MDFIC: variants seen among roughly 807,000 people sequenced by gnomAD.
MDFIC encodes the protein MyoD family inhibitor domain containing.
A neutral mutation model predicts 23.2 loss-of-function variants in MDFIC; 17 were observed. The observed-to-expected ratio is 0.73, with a 90% confidence interval of 0.50 to 1.10. MDFIC has a LOEUF of 1.10. Among genes scored for constraint, MDFIC ranks in the 50% least tolerant of loss-of-function variants. MDFIC has a pLI of 0.00. For missense variants in MDFIC, 356 were observed against 316.6 expected (o/e 1.12, Z -0.95); for synonymous variants, 120 against 115.2 (o/e 1.04, Z -0.27).
At chr7:114,951,361 A>AT (rs1585099846) in intron 3 of MDFIC, among the ~76,000 whole-genome samples, 1 of 152,046 alleles carries the variant, frequency 6.6e-6, no homozygotes, top group Non-Finnish European at 1.5e-5. Flanking sequence ...AAAAATACAG[A>AT]TTTTTTGGAA....
chr7:114,995,962 C>G (rs1196899185), intron 4 of MDFIC, among the ~76,000 whole-genome samples: 1 of 152,194 alleles, frequency 6.6e-6, no homozygotes, highest in African/African-American at 2.4e-5. Flanking sequence ...TGGAACCACC[C>G]AGCATTGTGT....
At chr7:114,990,684 T>C (rs1793592314) in intron 4 of MDFIC, among the ~76,000 whole-genome samples, 1 of 152,234 alleles carries the variant, frequency 6.6e-6, no homozygotes, top group Non-Finnish European at 1.5e-5. Context: ...GAACTCATCC[T>C]TTTTTATGGC....
rs530077403 is a variant in MDFIC at position 115,014,075 on chromosome 7, T to A, written c.494-1613T>A. 3.0e-6 allele frequency: 3 copies of A among 985,370 alleles called. No homozygotes were observed. The African/African-American group carries it at 5.2e-5, about 17-fold the overall frequency. The allele number at this position is 985,370 out of a possible 1,614,324, so 61.0% of individuals were successfully genotyped here. On this transcript the variant is annotated intron_variant, in intron 4 of 4. Coordinates refer to ENST00000393486, the MANE Select transcript of MDFIC (RefSeq NM_001166345.3). The stretch of plus-strand genomic sequence containing the variant: ...TACAAACACAACTCTGGAATTTCCC[T>A]TTTGAGTACTCTCTGACCCTTCCTC...
intron 4 of MDFIC, among the ~76,000 whole-genome samples, chr7:114,991,914 G>T (rs907312345): frequency 2.0e-5 from 3 of 152,164 alleles, no homozygotes; most frequent in Non-Finnish European, 4.4e-5. Context: ...GATGGGGATG[G>T]CATTGAATCT....
intron 4 of MDFIC, among the ~76,000 whole-genome samples, chr7:114,994,840 C>T (rs1475972627): frequency 2.0e-5 from 3 of 152,098 alleles, no homozygotes; most frequent in African/African-American, 4.8e-5. Context: ...AGTTGCTCTT[C>T]TTGAGGAGTA....
At chr7:114,929,515 G>A (rs902776468) in intron 2 of MDFIC, among the ~76,000 whole-genome samples, 5 of 152,266 alleles carry the variant, frequency 3.3e-5, no homozygotes, top group African/African-American at 7.2e-5. Flanking sequence ...TAGTTTTCTC[G>A]CCTAGCCGGT....
At chr7:115,010,652 T>C (rs1029165826) in intron 4 of MDFIC, among the ~76,000 whole-genome samples, 2 of 152,248 alleles carry the variant, frequency 1.3e-5, no homozygotes, top group Non-Finnish European at 2.9e-5. Context: ...CAAAGTGCTT[T>C]TCTAGTAAAT....
chr7:114,962,920 A>G (rs1381423871), intron 3 of MDFIC, among the ~76,000 whole-genome samples: 2 of 152,238 alleles, frequency 1.3e-5, no homozygotes, highest in African/African-American at 2.4e-5. Flanking sequence ...CTCAATTTCA[A>G]TATAAATAAG....
chr7:115,002,361 A>G (rs1440107049), intron 4 of MDFIC, among the ~76,000 whole-genome samples: 2 of 152,180 alleles, frequency 1.3e-5, no homozygotes, highest in African/African-American at 4.8e-5. Context: ...AATCACTGTC[A>G]CTATGCATGT....
intron 2 of MDFIC, among the ~76,000 whole-genome samples, chr7:114,938,368 G>A (rs1792471886): frequency 6.6e-6 from 1 of 152,176 alleles, no homozygotes; most frequent in Non-Finnish European, 1.5e-5. Context: ...ACTGTGACAA[G>A]GGGATGAGTA....
intron 2 of MDFIC, among the ~76,000 whole-genome samples, chr7:114,932,323 G>T (rs1013654817): frequency 2.6e-5 from 4 of 152,148 alleles, no homozygotes; most frequent in African/African-American, 9.7e-5. Flanking sequence ...GTGTGGAAAA[G>T]AAACTATAGA....
At chr7:115,015,526 T>C (rs909872019) in intron 4 of MDFIC, among the ~76,000 whole-genome samples, 162 bp from the exon 5 acceptor site, 2 of 152,248 alleles carry the variant, frequency 1.3e-5, no homozygotes, top group Non-Finnish European at 2.9e-5. Flanking sequence ...ATCTAGAGTT[T>C]AACTTAAGCT....
chr7:115,014,059 A>C, intron 4 of MDFIC: 3 of 985,366 alleles, frequency 3.0e-6, no homozygotes, highest in Non-Finnish European at 3.6e-6. Flanking sequence ...CTACAAACAC[A>C]ACTCTGGAAT....
At chr7:115,007,705 A>C (rs898426379) in intron 4 of MDFIC, among the ~76,000 whole-genome samples, 3 of 147,124 alleles carry the variant, frequency 2.0e-5, no homozygotes, top group African/African-American at 7.7e-5. Flanking sequence ...ATAGAGTCTC[A>C]CCCTGACACC....
intron 4 of MDFIC, among the ~76,000 whole-genome samples, chr7:115,010,421 A>G (rs966304384): frequency 1.3e-5 from 2 of 152,190 alleles, no homozygotes; most frequent in African/African-American, 4.8e-5. Context: ...TAACAATCAG[A>G]TCATTTAAAG....
intron 3 of MDFIC, among the ~76,000 whole-genome samples, chr7:114,968,100 A>G (rs368614945): frequency 6.6e-6 from 1 of 152,124 alleles, no homozygotes; most frequent in African/African-American, 2.4e-5. Context: ...TACAGGCATG[A>G]GCCACTGTGC....
intron 4 of MDFIC, among the ~76,000 whole-genome samples, chr7:115,008,653 G>A (rs928015807): frequency 1.3e-5 from 2 of 152,134 alleles, no homozygotes; most frequent in Admixed American, 6.5e-5. Flanking sequence ...CTGAGCTACC[G>A]TGTGGTATTA....
At chr7:114,925,077 T>A (rs568781533) in intron 2 of MDFIC, among the ~76,000 whole-genome samples, 22 of 152,306 alleles carry the variant, frequency 1.4e-4, no homozygotes, top group African/African-American at 5.3e-4. Flanking sequence ...ACCTAATTTT[T>A]AAATTCTTTA....
At chr7:115,007,827 C>T (rs1585123013) in intron 4 of MDFIC, among the ~76,000 whole-genome samples, 1 of 133,046 alleles carries the variant, frequency 7.5e-6, no homozygotes, top group Non-Finnish European at 1.6e-5. Flanking sequence ...CCCAAAATAG[C>T]TGGGACTACA....
Sources: allele counts gnomAD v4.1 joint callset (sites outside exome capture counted in the v4.1 genomes callset), GRCh38; gene constraint gnomAD v4.1.1; transcripts MANE v1.5; gene names NCBI Gene and HGNC (gene_info 2026-07-23, HGNC 2026-07-21).